ITPR3: variants seen among roughly 807,000 people sequenced by gnomAD.
ITPR3 encodes the protein inositol 1,4,5-trisphosphate-gated calcium channel ITPR3.
ITPR3 carries 173 observed loss-of-function variants against 293.2 expected under a neutral mutation model. The observed-to-expected ratio is 0.59, with a 90% CI of 0.52 to 0.67. The LOEUF (loss-of-function observed/expected upper bound fraction) is 0.67. Ranked by LOEUF, ITPR3 falls within the 30% of genes least tolerant of loss-of-function variation. The pLI is 0.00. For missense variants in ITPR3, 2,796 were observed against 3,592.1 expected, an observed-to-expected ratio of 0.78 and a Z score of 5.66; for synonymous variants, 1,295 against 1,444.4, an observed-to-expected ratio of 0.90 and a Z score of 2.35.
In ITPR3 at chr6:33,664,126, G is replaced by T. The variant is rs1746952159; in HGVS notation, c.1148+246G>T. 6.6e-6 allele frequency among the ~76,000 whole-genome samples: 1 copy of T among 152,218 alleles called. No homozygotes were observed. The highest frequency in any genetic ancestry group is 2.1e-4 in the South Asian group (1 of 4,834). On this transcript the variant is annotated intron_variant, in intron 11 of 57. Transcript: ENST00000605930. The surrounding 1 kb of genome is among the most constrained non-coding windows in gnomAD (Gnocchi z 4.4). ...TGGGTGCTCAAGCACAGGCTGCATG[G>T]CAGTTTGTCTAGGACACCAGCAGCA...
In ITPR3 at chr6:33,655,921, C is replaced by T. The variant is rs768228122; in HGVS notation, c.282+34C>T. The T allele has an allele frequency of 6.8e-6, 11 of 1,612,104 alleles. No homozygotes were observed. The highest frequency in any genetic ancestry group is 2.7e-5 in the African/African-American group (2 of 74,886). On this transcript the variant is annotated intron_variant, in intron 3 of 57. Coordinates refer to ENST00000605930, the MANE Select transcript of ITPR3 (RefSeq NM_002224.4). The surrounding 1 kb of genome is among the most constrained non-coding windows in gnomAD (Gnocchi z 4.9). ...GTGTGTGCAGGCGTGCATCTGTGCA[C>T]ATGTACCAGGAACCTGGGTACACAA...
In ITPR3 at chr6:33,633,433, T is replaced by C; in HGVS notation, c.90-7051T>C. Among the ~76,000 whole-genome samples, 1 of 152,054 alleles carries C rather than the reference T, an allele frequency of 6.6e-6. No homozygotes were observed. The highest frequency in any genetic ancestry group is 6.5e-5 in the Admixed American group (1 of 15,288). Reference sequence around the variant, plus strand: ...GCAGGGCACCTGTGGTCCGGCTAGTTTGATAAACACAGGTGCCCGCCATGA... The same window carrying C: ...GCAGGGCACCTGTGGTCCGGCTAGTCTGATAAACACAGGTGCCCGCCATGA... On this transcript the variant is annotated intron_variant, in intron 1 of 57. Transcript: ENST00000605930. The surrounding 1 kb of genome is among the most constrained non-coding windows in gnomAD (Gnocchi z 5.2).
At chr6:33,686,356 TGCC>T in intron 42 of ITPR3, 50 bp from the exon 43 acceptor site, 1 of 1,595,048 alleles carries the variant, frequency 6.3e-7, no homozygotes, top group East Asian at 2.2e-5. Context: ...TCTCTGGAGC[TGCC>T]ACTATTCTGA....
In ITPR3 at chr6:33,662,526, A is replaced by C; in HGVS notation, c.712-2A>C. 3 of 1,586,526 alleles carry C rather than the reference A, an allele frequency of 1.9e-6. No individual in the cohort carries two copies. Among genetic ancestry groups the C allele is most frequent in the Non-Finnish European group, 2.6e-6 (3 of 1,168,802 alleles). ...TCCTGAGCCACACCCTGCTGCCTGC[A>C]GGGAGACGTGGTGCGGCTGTTCCAT... On this transcript the variant is annotated splice_acceptor_variant, in intron 7 of 57. Coordinates refer to ENST00000605930, the MANE Select transcript of ITPR3 (RefSeq NM_002224.4). LOFTEE classifies it high-confidence loss of function.
Position 33,691,272 on chromosome 6 carries a change from C to T in ITPR3, c.7225+163C>T, listed in dbSNP as rs1170029928. Among the ~76,000 whole-genome samples the T allele has an allele frequency of 6.6e-6, 1 of 152,174 alleles. No homozygotes were observed. Among genetic ancestry groups the T allele is most frequent in the Admixed American group, 6.5e-5 (1 of 15,280 alleles). The stretch of plus-strand genomic sequence containing the variant: ...CTAGCTAACACCAGTCTGCCTCGCT[C>T]TTTTCTGGAACACACTGAGTGGGTG... On this transcript the variant is annotated intron_variant, in intron 52 of 57. Transcript: ENST00000605930. The surrounding 1 kb of genome is among the most constrained non-coding windows in gnomAD (Gnocchi z 4.9).
At chr6:33,678,944 A>G in intron 30 of ITPR3, 105 bp downstream of exon 30, 2 of 1,141,472 alleles carry the variant, frequency 1.8e-6, no homozygotes, top group Non-Finnish European at 2.5e-6. Context: ...GTGGGTCACA[A>G]AAGGAACACT....
At chr6:33,671,051 G>T in intron 20 of ITPR3, 114 bp from the exon 21 acceptor site, 1 of 1,517,752 alleles carries the variant, frequency 6.6e-7, no homozygotes, top group Non-Finnish European at 8.9e-7. Context: ...TGGGAACCCC[G>T]TCCTCATGAC....
Position 33,621,455 on chromosome 6 carries a change from C to T in ITPR3, c.-148C>T. The T allele has an allele frequency of 1.9e-6, 1 of 522,756 alleles. No homozygotes were observed. The highest frequency in any genetic ancestry group is 2.7e-5 in the South Asian group (1 of 37,716). 32.4% of individuals were successfully genotyped at this position (522,756 alleles called of 1,614,324 possible). A position where few individuals can be genotyped will look rare whatever the true frequency, so the allele number is the denominator to read the frequency against. ...CGAGCCGCCTCCTGGCTCCCGTGGC[C>T]GCCAGCCCGCCCCGGCCGCACCGAG... On this transcript the variant is annotated 5_prime_UTR_variant, in exon 1 of 58. Transcript: ENST00000605930. This position sits in a 1 kb window ranked among gnomAD's most constrained non-coding sequence, Gnocchi z 7.7.
rs1471320067 is a variant in ITPR3, at chr6:33,684,650, C to A, written c.5099C>A (p.Ser1700Tyr). 2.5e-6 allele frequency: 4 copies of A among 1,614,136 alleles called. No individual in the cohort carries two copies. Among genetic ancestry groups the A allele is most frequent in the Non-Finnish European group, 2.5e-6 (3 of 1,180,024 alleles). Reference sequence around the variant, plus strand: ...CAAAACTACCTCCAGAACCGGAAGTCCACCTCGCGGGGGGACCTTCCCGAC... The same window carrying A: ...CAAAACTACCTCCAGAACCGGAAGTACACCTCGCGGGGGGACCTTCCCGAC... ...LLQNYLQNRKSTSRGDLPDPI... is the reference protein window; with the variant it reads ...LLQNYLQNRKYTSRGDLPDPI... Residue 1700 changes from serine (S) to tyrosine (Y), a missense_variant, in exon 38 of 58, where the codon TCC (serine) becomes TAC (tyrosine). Physicochemically the swap from Ser to Tyr is moderately radical, Grantham distance 144. This residue lies in a region of ITPR3 where 704 missense variants were observed against 797.5 expected (regional missense o/e 0.88). Transcript: ENST00000605930. The surrounding 1 kb of genome is among the most constrained non-coding windows in gnomAD (Gnocchi z 4.2).
chr6:33,622,536 AC>A (rs1763462992), intron 1 of ITPR3, among the ~76,000 whole-genome samples: 2 of 152,046 alleles, frequency 1.3e-5, no homozygotes, highest in South Asian at 4.1e-4. Context: ...CTCCAGCCAG[AC>A]CCCAGGGCAG....
Position 33,672,005 on chromosome 6 carries a change from C to A in ITPR3, c.2729-24C>A. 1 of 1,575,478 alleles carries A rather than the reference C, an allele frequency of 6.3e-7. No individual in the cohort carries two copies. On this transcript the variant is annotated intron_variant, in intron 21 of 57. Coordinates refer to ENST00000605930, the MANE Select transcript of ITPR3 (RefSeq NM_002224.4). The surrounding 1 kb of genome is among the most constrained non-coding windows in gnomAD (Gnocchi z 5.0). ...ACAGCCTCTACAACCTCCTTGGCAA[C>A]CTCCTCTGCTTCCCCCTCCACAGGC...
At chr6:33,690,436 G>A (rs1282931781) in intron 51 of ITPR3, among the ~76,000 whole-genome samples, 1 of 152,164 alleles carries the variant, frequency 6.6e-6, no homozygotes, top group Admixed American at 6.5e-5. Flanking sequence ...GTTCAAGCCT[G>A]GACTCTGGAG....
In ITPR3 at chr6:33,687,732, C is replaced by G. The variant is rs1765275363; in HGVS notation, c.6264+168C>G. On this transcript the variant is annotated intron_variant, in intron 46 of 57. Coordinates refer to ENST00000605930, the MANE Select transcript of ITPR3 (RefSeq NM_002224.4). The surrounding 1 kb of genome is among the most constrained non-coding windows in gnomAD (Gnocchi z 5.3). ...TTGGGACTGGCAGCCGTGGGTGAAACCCAGACAGAAATGGAAGCAAGGCTC... is the reference window on the plus strand; with the variant it reads ...TTGGGACTGGCAGCCGTGGGTGAAAGCCAGACAGAAATGGAAGCAAGGCTC... Among the ~76,000 whole-genome samples the G allele has an allele frequency of 6.6e-6, 1 of 152,088 alleles. No homozygotes were observed. Among genetic ancestry groups the G allele is most frequent in the Non-Finnish European group, 1.5e-5 (1 of 68,020 alleles).
In ITPR3 at chr6:33,624,016, T is replaced by A. The variant is rs1408513344; in HGVS notation, c.89+2325T>A. On this transcript the variant is annotated intron_variant, in intron 1 of 57. Transcript: ENST00000605930. The surrounding 1 kb of genome is among the most constrained non-coding windows in gnomAD (Gnocchi z 4.7). ...ACTGCAACCTGTCCCGCGCTCTCAG[T>A]CTCTTTACCTTTGCTCTTGGGTTGT... Among the ~76,000 whole-genome samples the A allele has an allele frequency of 6.6e-6, 1 of 152,212 alleles. No homozygotes were observed. The highest frequency in any genetic ancestry group is 2.4e-5 in the African/African-American group (1 of 41,442).
In ITPR3 at chr6:33,672,044, G is replaced by T. The variant is rs149682497; in HGVS notation, c.2744G>T (p.Arg915Leu). ...YEDPGGKNVR[R>L]SIQGVGHMMS... is the part of the protein sequence containing the mutation. ...CCCTCCACAGGCAAGAATGTGCGGC[G>T]GTCCATCCAGGGCGTGGGGCACATG... Residue 915 changes from arginine (R) to leucine (L), a missense_variant, in exon 22 of 58, where the codon CGG becomes CTG. By Grantham distance (102) the Arg-to-Leu change is moderately radical (BLOSUM62 -2). Coordinates refer to ENST00000605930, the MANE Select transcript of ITPR3 (RefSeq NM_002224.4). This position sits in a 1 kb window ranked among gnomAD's most constrained non-coding sequence, Gnocchi z 5.0. 1.9e-4 allele frequency: 311 copies of T among 1,606,190 alleles called. 1 individual carries two copies. The Middle Eastern group carries it at 2.2e-3, about 11-fold the overall frequency.
rs1763698676 is a variant in ITPR3, at chr6:33,632,189, C to A, written c.90-8295C>A. Among the ~76,000 whole-genome samples, 1 of 150,430 alleles carries A rather than the reference C, an allele frequency of 6.6e-6. No individual in the cohort carries two copies. Among genetic ancestry groups the A allele is most frequent in the Non-Finnish European group, 1.5e-5 (1 of 67,740 alleles). On this transcript the variant is annotated intron_variant, in intron 1 of 57. Transcript: ENST00000605930. The surrounding 1 kb of genome is among the most constrained non-coding windows in gnomAD (Gnocchi z 4.1). ...TTGTGTGACCTGGGCGGGTCAGTTTCTCCTCCATGCCCCAGGGACAGTTTT... is the reference window on the plus strand; with the variant it reads ...TTGTGTGACCTGGGCGGGTCAGTTTATCCTCCATGCCCCAGGGACAGTTTT...
In ITPR3 at chr6:33,688,814, G is replaced by A. The variant is rs376478819; in HGVS notation, c.6694+33G>A. 1.7e-3 allele frequency: 2,808 copies of A among 1,613,770 alleles called. 24 individuals carry two copies. Among genetic ancestry groups the A allele is most frequent in the South Asian group, 0.016 (1,445 of 91,030 alleles). ...CACAGGGCTGGCCGGCAGGTTCCCCGGGCCCTGCCATGCTTCCTCCCTGGG... is the reference window on the plus strand; with the variant it reads ...CACAGGGCTGGCCGGCAGGTTCCCCAGGCCCTGCCATGCTTCCTCCCTGGG... On this transcript the variant is annotated intron_variant, in intron 49 of 57. Coordinates refer to ENST00000605930, the MANE Select transcript of ITPR3 (RefSeq NM_002224.4).
chr6:33,686,948 A>G (rs1019226556), intron 43 of ITPR3, 61 bp from the exon 44 acceptor site: 11 of 1,305,224 alleles, frequency 8.4e-6, no homozygotes, highest in Non-Finnish European at 1.1e-5. Context: ...AATGAGGGAG[A>G]AGTTGTCAGG....
intron 2 of ITPR3, among the ~76,000 whole-genome samples, chr6:33,646,661 T>G (rs922047329): frequency 2.6e-5 from 4 of 152,092 alleles, no homozygotes; most frequent in Admixed American, 6.5e-5. Flanking sequence ...CTCATGCCTG[T>G]AATCCCAGCA....
Sources: gnomAD v4.1 joint callset for allele counts (sites outside exome capture counted in the v4.1 genomes callset) on GRCh38, gnomAD v4.1.1 for gene constraint, gnomAD v4.1.1 regional missense constraint, Gnocchi (gnomAD v3.1) non-coding constraint, MANE v1.5 for transcripts, NCBI Gene and HGNC (gene_info 2026-07-23, HGNC 2026-07-21) for gene names.